DPH6: variants seen among roughly 807,000 people sequenced by gnomAD.
DPH6 encodes the protein diphthine--ammonia ligase.
In DPH6, 33 loss-of-function variants were observed where a neutral mutation model predicts 38.2. The ratio of observed to expected loss-of-function variants is 0.86; its 90% CI spans 0.65 to 1.15. The LOEUF (loss-of-function observed/expected upper bound fraction) is 1.15. DPH6 is among the 50% of genes most tolerant of loss of function. DPH6 has a pLI of 0.00. For synonymous variants in DPH6, 108 were observed against 103.0 expected (o/e 1.05, Z -0.30); for missense variants, 325 against 320.0 (o/e 1.02, Z -0.12).
At chr15:35,291,834 A>AT (rs2083348891) in intron 3 of DPH6, among the ~76,000 whole-genome samples, 1 of 152,004 alleles carries the variant, frequency 6.6e-6, no homozygotes, top group Admixed American at 6.5e-5. Flanking sequence ...AGAGATATAT[A>AT]TTTTTTTCTG....
rs1002851492 is a variant in DPH6, at chr15:35,480,116, G to GA, written c.313-25297dup. On this transcript the variant is annotated intron_variant, in intron 3 of 8. Coordinates refer to ENST00000256538, the MANE Select transcript of DPH6 (RefSeq NM_080650.4). ...CTGAAGTAAGTCAATATTAAACTTT[G>GA]AAAAAAAACAAAATAAAAATTTATA... 4.3e-4 allele frequency among the ~76,000 whole-genome samples: 65 copies of GA among 150,962 alleles called. 1 individual carries two copies. Among genetic ancestry groups the GA allele is most frequent in the African/African-American group, 1.6e-3 (64 of 41,218 alleles).
At chr15:35,346,315 T>C (rs1372093501) in intron 3 of DPH6, among the ~76,000 whole-genome samples, 3 of 152,024 alleles carry the variant, frequency 2.0e-5, no homozygotes, top group Non-Finnish European at 1.5e-5. Context: ...TGAAGGTACT[T>C]AGTAATAGAT....
chr15:35,523,737 G>A (rs17515883), intron 3 of DPH6, among the ~76,000 whole-genome samples: 1,980 of 152,186 alleles, frequency 0.013, 19 homozygotes, highest in Non-Finnish European at 0.021. Flanking sequence ...AAAGGAGACT[G>A]TAACTATGGA....
intron 3 of DPH6, chr15:35,238,092 A>T: frequency 6.7e-7 from 1 of 1,498,060 alleles, no homozygotes; most frequent in Non-Finnish European, 9.3e-7. Flanking sequence ...AAAAATTCCT[A>T]TTGTGATTTG....
intron 3 of DPH6, among the ~76,000 whole-genome samples, chr15:35,460,245 ATAAT>A (rs140675411): frequency 0.11 from 16,067 of 152,224 alleles, 940 homozygotes; most frequent in Middle Eastern, 0.2. Context: ...AAAAAAAAGT[ATAAT>A]TAATCAGTGA....
intron 3 of DPH6, among the ~76,000 whole-genome samples, chr15:35,267,779 T>C (rs763366120): frequency 7.9e-5 from 12 of 152,210 alleles, no homozygotes; most frequent in Non-Finnish European, 1.5e-4. Flanking sequence ...ATGAGGACTC[T>C]TGGGTTTCTT....
chr15:35,387,322 C>T (rs566344717), intron 6 of DPH6, among the ~76,000 whole-genome samples: 41 of 152,220 alleles, frequency 2.7e-4, no homozygotes, highest in South Asian at 1.7e-3. Flanking sequence ...CTTGGCAATG[C>T]GGGCTCTTTT....
At chr15:35,542,344 T>G in intron 2 of DPH6, 69 bp downstream of exon 2, 1 of 1,294,456 alleles carries the variant, frequency 7.7e-7, no homozygotes, top group Non-Finnish European at 1.1e-6. Flanking sequence ...ACGGTATACC[T>G]GTACAATGTA....
chr15:35,357,717 C>T (rs2052577161), intron 3 of DPH6, among the ~76,000 whole-genome samples: 1 of 152,222 alleles, frequency 6.6e-6, no homozygotes, highest in Admixed American at 6.5e-5. Flanking sequence ...GCCCCAATCA[C>T]TTCTCGCTTG....
intron 3 of DPH6, among the ~76,000 whole-genome samples, chr15:35,504,016 C>T (rs1164174843): frequency 1.3e-5 from 2 of 152,050 alleles, no homozygotes; most frequent in Non-Finnish European, 2.9e-5. Flanking sequence ...TTGATTTAAC[C>T]CTTTTTAGTG....
chr15:35,448,223 TTTATAGAAAGA>T (rs2053882407), intron 5 of DPH6, among the ~76,000 whole-genome samples: 1 of 152,180 alleles, frequency 6.6e-6, no homozygotes, highest in East Asian at 1.9e-4. Context: ...TAATTATATG[TTTATAGAAAGA>T]TTATAGAAGT....
At chr15:35,403,129 C>T (rs1325171117) in intron 6 of DPH6, among the ~76,000 whole-genome samples, 1 of 151,918 alleles carries the variant, frequency 6.6e-6, no homozygotes, top group African/African-American at 2.4e-5. Flanking sequence ...ACTACATAAC[C>T]TTGTATATAA....
At chr15:35,386,326 A>T (rs1182315631) in intron 6 of DPH6, among the ~76,000 whole-genome samples, 1 of 152,218 alleles carries the variant, frequency 6.6e-6, no homozygotes, top group Non-Finnish European at 1.5e-5. Context: ...ATGTGTCTTT[A>T]TAGCAGCATG....
chr15:35,179,669 CAT>C, the DPH6 span, among the ~76,000 whole-genome samples: 4 of 152,142 alleles, frequency 2.6e-5, no homozygotes, highest in East Asian at 1.9e-4. Flanking sequence ...GAAGAAAATA[CAT>C]ATGTTTCTTG....
At chr15:35,360,101 T>C (rs900585973) in intron 3 of DPH6, among the ~76,000 whole-genome samples, 2 of 152,208 alleles carry the variant, frequency 1.3e-5, no homozygotes, top group African/African-American at 4.8e-5. Context: ...CCTTGCATTG[T>C]TGTTCTATGC....
chr15:35,230,637 C>A (rs974479852), intron 3 of DPH6, among the ~76,000 whole-genome samples: 22 of 152,200 alleles, frequency 1.4e-4, no homozygotes, highest in African/African-American at 5.3e-4. Context: ...ACCAGCAAGT[C>A]TCAGAATCTC....
rs565941302 is a variant in DPH6, at chr15:35,392,863, G to A, written c.568-10947C>T. Among the ~76,000 whole-genome samples the A allele has an allele frequency of 5.0e-4, 76 of 152,134 alleles. 1 individual carries two copies. The highest frequency in any genetic ancestry group is 5.6e-4 in the Non-Finnish European group (38 of 68,022). ...AGAGAGAAGGTAAGAGAGAAGGAACGAGTATTCTAGAAGAAACTGCATGTG... is the reference window on the plus strand; with the variant it reads ...AGAGAGAAGGTAAGAGAGAAGGAACAAGTATTCTAGAAGAAACTGCATGTG... On this transcript the variant is annotated intron_variant, in intron 6 of 8. Transcript: ENST00000256538.
chr15:35,194,369 C>CAGAGAG, the DPH6 span, among the ~76,000 whole-genome samples: 750 of 144,752 alleles, frequency 5.2e-3, 4 homozygotes, highest in South Asian at 0.018. Context: ...TTCCTTTTTC[C>CAGAGAG]AGAGAGAGAG....
intron 3 of DPH6, among the ~76,000 whole-genome samples, chr15:35,359,196 C>G (rs929319037): frequency 2.6e-5 from 4 of 151,996 alleles, no homozygotes; most frequent in African/African-American, 9.7e-5. Flanking sequence ...TCACCCAGCT[C>G]CCAGCAAACC....
Sources: gnomAD v4.1 joint callset for allele counts (sites outside exome capture counted in the v4.1 genomes callset) on GRCh38, gnomAD v4.1.1 for gene constraint, MANE v1.5 for transcripts, NCBI Gene and HGNC (gene_info 2026-07-23, HGNC 2026-07-21) for gene names.